Variants in LSM8 observed in about 807,000 individuals in gnomAD.
The protein encoded by LSM8 is LSM8 U6 small nuclear RNA associated.
Under a neutral mutation model 15.0 loss-of-function variants are expected in LSM8, and 14 were observed. The ratio of observed to expected loss-of-function variants is 0.93; its 90% CI spans 0.62 to 1.46. LSM8 has a LOEUF of 1.46. LSM8 is among the 40% of genes most tolerant of loss of function. The probability of loss-of-function intolerance (pLI) is 0.00; values close to 1 mark genes in which losing one functional copy is unlikely to be tolerated. For missense variants in LSM8, 90 were observed against 115.4 expected, an observed-to-expected ratio of 0.78 and a Z score of 1.01; for synonymous variants, 50 against 42.1, an observed-to-expected ratio of 1.19 and a Z score of -0.73.
Position 118,184,221 on chromosome 7 carries a change from A to G in LSM8, c.-3A>G, listed in dbSNP as rs925386738. Reference sequence around the variant, plus strand: ...GTTACCCGGAACCGCCGGGCCGAACAGCATGACGTCCGCTTTGGAGAACTA... The same window carrying G: ...GTTACCCGGAACCGCCGGGCCGAACGGCATGACGTCCGCTTTGGAGAACTA... On this transcript the variant is annotated 5_prime_UTR_variant, in exon 1 of 4. Coordinates refer to ENST00000249299, the MANE Select transcript of LSM8 (RefSeq NM_016200.5). 4.5e-6 allele frequency: 7 copies of G among 1,542,502 alleles called. No individual in the cohort carries two copies. Among genetic ancestry groups the G allele is most frequent in the Non-Finnish European group, 6.1e-6 (7 of 1,142,652 alleles).
intron 3 of LSM8, chr7:118,188,688 T>C: frequency 4.6e-6 from 1 of 219,462 alleles, no homozygotes; most frequent in South Asian, 9.0e-5. Flanking sequence ...CTGGGTAGAG[T>C]CCAGAAAGGG....
rs1809195240 is a variant in LSM8 at position 118,203,136 on chromosome 7, A to T, written c.*11134A>T. 1.3e-5 allele frequency among the ~76,000 whole-genome samples: 2 copies of T among 151,958 alleles called. No individual in the cohort carries two copies. The highest frequency in any genetic ancestry group is 6.6e-5 in the Admixed American group (1 of 15,214). ...AATATATATTCTTTTTAAACATTTAATGAAAGGATTTAACTCCCAAACTCC... is the reference window on the plus strand; with the variant it reads ...AATATATATTCTTTTTAAACATTTATTGAAAGGATTTAACTCCCAAACTCC... On this transcript the variant is annotated 3_prime_UTR_variant, in exon 4 of 4. Transcript: ENST00000249299.
In LSM8 at chr7:118,197,894, C is replaced by T. The variant is rs964718902; in HGVS notation, c.*5892C>T. Among the ~76,000 whole-genome samples, 1 of 152,074 alleles carries T rather than the reference C, an allele frequency of 6.6e-6. No homozygotes were observed. On this transcript the variant is annotated 3_prime_UTR_variant, in exon 4 of 4. Transcript: ENST00000249299. Reference sequence around the variant, plus strand: ...CTTGTACTGTCAAGATTAAGATAAGCAGTTAGCACTCCCTAGAACATACTA... The same window carrying T: ...CTTGTACTGTCAAGATTAAGATAAGTAGTTAGCACTCCCTAGAACATACTA...
rs1448668001 is a variant in LSM8, at chr7:118,196,700, T to TTTTTTTTATTTATTTA, written c.*4701_*4702insTTTTATTTATTTATTT. On this transcript the variant is annotated 3_prime_UTR_variant, in exon 4 of 4. Coordinates refer to ENST00000249299, the MANE Select transcript of LSM8 (RefSeq NM_016200.5). ...TTTCTTTTTTTTTAAGTCCTTTAAT[T>TTTTTTTTATTTATTTA]TTTATTTATTTATTTATTTATTTAT... is the stretch of plus-strand genomic sequence containing the variant. Among the ~76,000 whole-genome samples, 1 of 129,752 alleles carries TTTTTTTTATTTATTTA rather than the reference T, an allele frequency of 7.7e-6. No individual in the cohort carries two copies. The highest frequency in any genetic ancestry group is 2.2e-4 in the East Asian group (1 of 4,478). The allele number at this position is 129,752 out of a possible 152,430, so 85.1% of individuals were successfully genotyped here.
At chr7:118,188,193 G>T in intron 2 of LSM8, 85 bp from the exon 3 acceptor site, 1 of 1,461,928 alleles carries the variant, frequency 6.8e-7, no homozygotes, top group Non-Finnish European at 9.5e-7. Context: ...GGAATACCTG[G>T]CAACTAAAAT....
chr7:118,193,992 TAC>T lies in LSM8; in HGVS notation c.*1992_*1993del, dbSNP rs1184195872. ...GTGAATTATTGTTTTTATGAATAGTTACAGAGGATGTGATGACAATATGCCAG... is the reference window on the plus strand; with the variant it reads ...GTGAATTATTGTTTTTATGAATAGTTAGAGGATGTGATGACAATATGCCAG... On this transcript the variant is annotated 3_prime_UTR_variant, in exon 4 of 4. Transcript: ENST00000249299. Among the ~76,000 whole-genome samples, 1 of 152,098 alleles carries T rather than the reference TAC, an allele frequency of 6.6e-6. No homozygotes were observed.
At chr7:118,184,563 TAA>T in intron 1 of LSM8, 1 of 275,700 alleles carries the variant, frequency 3.6e-6, no homozygotes. Context: ...GCATAAGTGT[TAA>T]AGTTTGTGAA....
In LSM8 at chr7:118,201,106, T is replaced by G. The variant is rs767487236; in HGVS notation, c.*9104T>G. ...TGAAATAACTATAAAAATAAACCTT[T>G]AATGAACTTTTTAATATGCAATACT... On this transcript the variant is annotated 3_prime_UTR_variant, in exon 4 of 4. Transcript: ENST00000249299. Among the ~76,000 whole-genome samples, 8 of 152,102 alleles carry G rather than the reference T, an allele frequency of 5.3e-5. No individual in the cohort carries two copies. Among genetic ancestry groups the G allele is most frequent in the Non-Finnish European group, 1.2e-4 (8 of 67,992 alleles).
Position 118,194,752 on chromosome 7 carries a change from G to T in LSM8, c.*2750G>T, listed in dbSNP as rs1809049243. On this transcript the variant is annotated 3_prime_UTR_variant, in exon 4 of 4. Transcript: ENST00000249299. Reference sequence around the variant, plus strand: ...TGAACCAGACAATTTAGTAGCCAGGGTTGTAAGGCAACTCTTAACTGACAA... The same window carrying T: ...TGAACCAGACAATTTAGTAGCCAGGTTTGTAAGGCAACTCTTAACTGACAA... 1.3e-5 allele frequency among the ~76,000 whole-genome samples: 2 copies of T among 152,122 alleles called. No homozygotes were observed. Among genetic ancestry groups the T allele is most frequent in the Non-Finnish European group, 2.9e-5 (2 of 68,006 alleles).
In LSM8 at chr7:118,196,204, ATTC is replaced by A. The variant is rs1405405497; in HGVS notation, c.*4205_*4207del. On this transcript the variant is annotated 3_prime_UTR_variant, in exon 4 of 4. Transcript: ENST00000249299. ...AGCTGTGGATAGGCCAGGGAACAGTATTCTTGTGCTTGTGAAGCTTCTATCTGT... is the reference window on the plus strand; with the variant it reads ...AGCTGTGGATAGGCCAGGGAACAGTATTGTGCTTGTGAAGCTTCTATCTGT... Among the ~76,000 whole-genome samples the A allele has an allele frequency of 1.3e-5, 2 of 152,192 alleles. No individual in the cohort carries two copies. The highest frequency in any genetic ancestry group is 2.9e-5 in the Non-Finnish European group (2 of 68,038).
intron 3 of LSM8, chr7:118,190,278 CAG>C (rs1460460879): frequency 6.6e-6 from 1 of 152,086 alleles, no homozygotes; most frequent in Non-Finnish European, 1.5e-5. Context: ...GAGAGAGAGA[CAG>C]AGCAGATAGG....
rs530166264 is a variant in LSM8, at chr7:118,192,292, T to A, written c.*290T>A. ...GTACTTTTTGATACTTTAGTATTTATGGAAACTAGTGGAAAAGAGAAATTA... is the reference window on the plus strand; with the variant it reads ...GTACTTTTTGATACTTTAGTATTTAAGGAAACTAGTGGAAAAGAGAAATTA... On this transcript the variant is annotated 3_prime_UTR_variant, in exon 4 of 4. Coordinates refer to ENST00000249299, the MANE Select transcript of LSM8 (RefSeq NM_016200.5). 2 of 222,160 alleles carry A rather than the reference T, an allele frequency of 9.0e-6. No homozygotes were observed. The highest frequency in any genetic ancestry group is 4.6e-5 in the African/African-American group (2 of 43,212). 13.8% of individuals were successfully genotyped at this position (222,160 alleles called of 1,614,324 possible).
Position 118,196,515 on chromosome 7 carries a change from A to G in LSM8, c.*4513A>G, listed in dbSNP as rs1055132392. On this transcript the variant is annotated 3_prime_UTR_variant, in exon 4 of 4. Transcript: ENST00000249299. The stretch of plus-strand genomic sequence containing the variant: ...TTCTTTCATTAGTTAACAGTATGCC[A>G]TCTCCTACTTACTGGCATCATCTGG... Among the ~76,000 whole-genome samples the G allele has an allele frequency of 6.6e-6, 1 of 150,484 alleles. No individual in the cohort carries two copies. Among genetic ancestry groups the G allele is most frequent in the African/African-American group, 2.5e-5 (1 of 40,810 alleles).
chr7:118,188,880 T>C (rs1208648576), intron 3 of LSM8: 4 of 152,560 alleles, frequency 2.6e-5, no homozygotes, highest in Non-Finnish European at 5.9e-5. Context: ...AAATAAGTAC[T>C]TACTCGTTAT....
chr7:118,192,258 A>G lies in LSM8; in HGVS notation c.*256A>G, dbSNP rs1584707671. 2 of 295,064 alleles carry G rather than the reference A, an allele frequency of 6.8e-6. No homozygotes were observed. Among genetic ancestry groups the G allele is most frequent in the East Asian group, 6.6e-5 (1 of 15,228 alleles). 18.3% of individuals were successfully genotyped at this position (295,064 alleles called of 1,614,324 possible). A position where few individuals can be genotyped will look rare whatever the true frequency, so the allele number is the denominator to read the frequency against. ...TAATGGGCATTTTGAAAACTTTTAG[A>G]AAAAAGTAGTACTTTTTGATACTTT... On this transcript the variant is annotated 3_prime_UTR_variant, in exon 4 of 4. Coordinates refer to ENST00000249299, the MANE Select transcript of LSM8 (RefSeq NM_016200.5).
chr7:118,199,415 A>T lies in LSM8; in HGVS notation c.*7413A>T, dbSNP rs1486503815. 6.6e-6 allele frequency among the ~76,000 whole-genome samples: 1 copy of T among 152,184 alleles called. No homozygotes were observed. Among genetic ancestry groups the T allele is most frequent in the Admixed American group, 6.5e-5 (1 of 15,272 alleles). ...TTGGATGCATTGAACAGAATTGGTA[A>T]CCTGAAGGAGAAACTGGAGGCAAAT... On this transcript the variant is annotated 3_prime_UTR_variant, in exon 4 of 4. Coordinates refer to ENST00000249299, the MANE Select transcript of LSM8 (RefSeq NM_016200.5).
Position 118,201,236 on chromosome 7 carries a change from T to C in LSM8, c.*9234T>C, listed in dbSNP as rs1247529793. On this transcript the variant is annotated 3_prime_UTR_variant, in exon 4 of 4. Transcript: ENST00000249299. Reference sequence around the variant, plus strand: ...ACAGAATTTTGAACTAAAGATCATCTAGCTGAATTTCCTTTATATTAAAGA... The same window carrying C: ...ACAGAATTTTGAACTAAAGATCATCCAGCTGAATTTCCTTTATATTAAAGA... Among the ~76,000 whole-genome samples the C allele has an allele frequency of 6.6e-6, 1 of 152,130 alleles. No homozygotes were observed. Among genetic ancestry groups the C allele is most frequent in the Non-Finnish European group, 1.5e-5 (1 of 67,992 alleles).
chr7:118,190,707 CTT>C (rs1394553849), intron 3 of LSM8: 2 of 152,104 alleles, frequency 1.3e-5, no homozygotes, highest in Non-Finnish European at 2.9e-5. Flanking sequence ...TTTGAGAAAA[CTT>C]AATTCATTCT....
chr7:118,188,924 CACTT>C (rs1311346553), intron 3 of LSM8: 1 of 152,384 alleles, frequency 6.6e-6, no homozygotes, highest in Non-Finnish European at 1.5e-5. Context: ...ATCATTGACA[CACTT>C]AAGATGTCCC....
Sources: allele counts gnomAD v4.1 joint callset (sites outside exome capture counted in the v4.1 genomes callset), GRCh38; gene constraint gnomAD v4.1.1; transcripts MANE v1.5; gene names NCBI Gene and HGNC (gene_info 2026-07-23, HGNC 2026-07-21).